The following MICU2 variants were observed in gnomAD, a reference collection of about 807,000 sequenced individuals.
MICU2 encodes the protein calcium uptake protein 2, mitochondrial.
A neutral mutation model predicts 60.4 loss-of-function variants in MICU2; 64 were observed. That is an observed-to-expected ratio of 1.06 (90% CI 0.87 to 1.31). The LOEUF (loss-of-function observed/expected upper bound fraction) is 1.31, where lower values mean the gene tolerates loss of function less well. Ranked by LOEUF, MICU2 falls within the 50% of genes most tolerant of loss-of-function variation. The pLI is 0.00. For synonymous variants in MICU2, 201 were observed against 175.0 expected (o/e 1.15, Z -1.17); for missense variants, 569 against 531.0 (o/e 1.07, Z -0.70).
chr13:21,544,493 TACAA>T (rs1887359235), intron 2 of MICU2, among the ~76,000 whole-genome samples: 1 of 31,000 alleles, frequency 3.2e-5, no homozygotes, highest in Admixed American at 3.9e-4. Flanking sequence ...AAAGAACACA[TACAA>T]AATGACCAAT....
chr13:21,522,763 C>G, intron 4 of MICU2, 113 bp from the exon 5 acceptor site: 1 of 689,678 alleles, frequency 1.4e-6, no homozygotes, highest in South Asian at 2.8e-5. Flanking sequence ...TAAATTACCT[C>G]TCTTTGATAC....
intron 8 of MICU2, among the ~76,000 whole-genome samples, chr13:21,508,877 A>G (rs116051233): frequency 1.6e-3 from 249 of 152,300 alleles, no homozygotes; most frequent in African/African-American, 5.7e-3. Flanking sequence ...AGGGTACACT[A>G]AGTGATCTTC....
intron 4 of MICU2, among the ~76,000 whole-genome samples, chr13:21,524,570 C>T (rs920214595): frequency 2.6e-5 from 4 of 152,210 alleles, no homozygotes; most frequent in Admixed American, 6.5e-5. Flanking sequence ...AAAGTCCTTA[C>T]ATTGCACTTG....
intron 2 of MICU2, among the ~76,000 whole-genome samples, chr13:21,547,840 A>C (rs1887451941): frequency 6.6e-6 from 1 of 152,040 alleles, no homozygotes; most frequent in Non-Finnish European, 1.5e-5. Flanking sequence ...TGTTTACCTG[A>C]GATGCCTCTG....
At chr13:21,537,330 T>C (rs1427873593) in intron 4 of MICU2, among the ~76,000 whole-genome samples, 3 of 152,206 alleles carry the variant, frequency 2.0e-5, no homozygotes, top group East Asian at 3.8e-4. Flanking sequence ...TCTTTCATAA[T>C]CTATGTTCTC....
intron 8 of MICU2, among the ~76,000 whole-genome samples, chr13:21,508,132 T>TC (rs1886336671): frequency 6.6e-6 from 1 of 150,790 alleles, no homozygotes; most frequent in African/African-American, 2.4e-5. Flanking sequence ...TTCTTTCTTT[T>TC]TTTTTTTTTT....
chr13:21,549,951 GA>G (rs1276865001), intron 2 of MICU2, among the ~76,000 whole-genome samples: 1 of 152,050 alleles, frequency 6.6e-6, no homozygotes, highest in African/African-American at 2.4e-5. Context: ...GTGGATGTAT[GA>G]AAAAAACCTT....
intron 9 of MICU2, 117 bp from the exon 10 acceptor site, chr13:21,496,277 C>A: frequency 1.4e-6 from 1 of 734,760 alleles, no homozygotes; most frequent in East Asian, 2.8e-5. Context: ...GAGGAAGAGA[C>A]AACAGAGCTT....
At chr13:21,552,120 G>A (rs1340902681) in intron 2 of MICU2, among the ~76,000 whole-genome samples, 6 of 152,076 alleles carry the variant, frequency 3.9e-5, no homozygotes, top group East Asian at 3.9e-4. Flanking sequence ...TTTAATGATC[G>A]CCATTCTAAC....
At chr13:21,603,819 G>T in intron 1 of MICU2, 120 bp downstream of exon 1, 1 of 1,147,466 alleles carries the variant, frequency 8.7e-7, no homozygotes, top group Non-Finnish European at 1.2e-6. Context: ...GCTCCGATCC[G>T]CAGCGGCACC....
intron 7 of MICU2, among the ~76,000 whole-genome samples, chr13:21,512,004 CAT>C (rs1178461077): frequency 1.3e-5 from 2 of 152,296 alleles, no homozygotes; most frequent in East Asian, 3.9e-4. Context: ...CTGCTAAGAA[CAT>C]GTGTGTACAG....
At chr13:21,598,242 G>A (rs1349386336) in intron 1 of MICU2, among the ~76,000 whole-genome samples, 7 of 151,880 alleles carry the variant, frequency 4.6e-5, no homozygotes, top group African/African-American at 1.7e-4. Context: ...CCAATATTAC[G>A]TATAATTTGG....
rs144564975 is a variant in MICU2, at chr13:21,514,079, G to A, written c.663+274C>T. ...GTCATGTATTGCTGAGAAATGCATT[G>A]TTAAGTGATTGTCACTGTGCAAACA... On this transcript the variant is annotated intron_variant, in intron 7 of 11. Transcript: ENST00000382374. Among the ~76,000 whole-genome samples the A allele has an allele frequency of 3.7e-3, 566 of 152,232 alleles. 4 individuals carry two copies. Among genetic ancestry groups the A allele is most frequent in the African/African-American group, 0.013 (535 of 41,542 alleles).
intron 1 of MICU2, among the ~76,000 whole-genome samples, chr13:21,568,501 G>A (rs1384805890): frequency 1.3e-5 from 2 of 152,044 alleles, no homozygotes; most frequent in East Asian, 1.9e-4. Context: ...TACCATCCCC[G>A]TAATCAGAAA....
At chr13:21,569,890 G>A (rs1888070075) in intron 1 of MICU2, among the ~76,000 whole-genome samples, 1 of 150,746 alleles carries the variant, frequency 6.6e-6, no homozygotes, top group African/African-American at 2.4e-5. Context: ...TGATAGCACA[G>A]GCAGTATGAC....
intron 2 of MICU2, among the ~76,000 whole-genome samples, chr13:21,564,509 A>G (rs931573267): frequency 2.0e-5 from 3 of 152,198 alleles, no homozygotes; most frequent in Admixed American, 2.0e-4. Context: ...CGTATTGTAC[A>G]GTCCTATGAT....
chr13:21,566,195 A>G (rs575861733), intron 2 of MICU2, among the ~76,000 whole-genome samples: 4 of 152,316 alleles, frequency 2.6e-5, no homozygotes, highest in African/African-American at 9.6e-5. Flanking sequence ...CAGCTGCTGC[A>G]TATTTATAGA....
intron 9 of MICU2, 64 bp from the exon 10 acceptor site, chr13:21,496,224 C>G: frequency 8.1e-7 from 1 of 1,235,516 alleles, no homozygotes; most frequent in Non-Finnish European, 1.2e-6. Flanking sequence ...TAAATGTTAA[C>G]TATGAACTTT....
At chr13:21,532,842 A>G (rs993512161) in intron 4 of MICU2, among the ~76,000 whole-genome samples, 1 of 152,200 alleles carries the variant, frequency 6.6e-6, no homozygotes, top group Non-Finnish European at 1.5e-5. Context: ...GAATGAATGA[A>G]TGAGAGGTGA....
Sources: allele counts gnomAD v4.1 joint callset (sites outside exome capture counted in the v4.1 genomes callset), GRCh38; gene constraint gnomAD v4.1.1; transcripts MANE v1.5; gene names NCBI Gene and HGNC (gene_info 2026-07-23, HGNC 2026-07-21).